BRINP2: variants seen among roughly 807,000 people sequenced by gnomAD.
BRINP2 encodes BMP/retinoic acid-inducible neural-specific protein 2.
In BRINP2, 21 loss-of-function variants were observed where a neutral mutation model predicts 69.2. The ratio of observed to expected loss-of-function variants is 0.30; its 90% CI spans 0.22 to 0.44. The LOEUF (loss-of-function observed/expected upper bound fraction) is 0.44, where lower values mean the gene tolerates loss of function less well. Among genes scored for constraint, BRINP2 ranks in the 20% least tolerant of loss-of-function variants. BRINP2 has a pLI of 1.00. For synonymous variants in BRINP2, 380 were observed against 394.1 expected (o/e 0.96, Z 0.42); for missense variants, 877 against 986.0 (o/e 0.89, Z 1.48).
chr1:177,279,496 G>C (rs1651623608), intron 7 of BRINP2, among the ~76,000 whole-genome samples: 1 of 152,184 alleles, frequency 6.6e-6, no homozygotes, highest in South Asian at 2.1e-4. Flanking sequence ...CACATTTTGT[G>C]GGAAGAGAGG....
At chr1:177,252,884 G>C (rs998095913) in intron 2 of BRINP2, among the ~76,000 whole-genome samples, 6 of 152,104 alleles carry the variant, frequency 3.9e-5, no homozygotes, top group Admixed American at 6.5e-5. Flanking sequence ...CATCCATGTT[G>C]CTGCAGATGA....
chr1:177,238,044 G>A (rs1215029099), intron 2 of BRINP2, among the ~76,000 whole-genome samples: 2 of 152,138 alleles, frequency 1.3e-5, no homozygotes, highest in Admixed American at 1.3e-4. Context: ...GCACAGGGTG[G>A]GGTGTTTCTT....
At position 177,281,199 on chromosome 1, in the gene BRINP2, T is replaced by C; in HGVS notation, c.2023T>C (p.Leu675=). 1.2e-6 allele frequency: 2 copies of C among 1,614,184 alleles called. No homozygotes were observed. Among genetic ancestry groups the C allele is most frequent in the Non-Finnish European group, 1.7e-6 (2 of 1,180,022 alleles). The change falls in exon 8 of 8, where the codon TTG becomes CTG. Residue 675 remains leucine (L), a synonymous_variant. Transcript: ENST00000361539. ...GGAGATGACTGATCCCTCTAAGAAT[T>C]TGGGTTACATGAAAATTAACACCTT... ...PLEMTDPSKN[L]GYMKINTLQV...
rs61645500 is a variant in BRINP2 at position 177,212,066 on chromosome 1, CAGATAGATAGATAGATAGAT to C, written c.-76-17710_-76-17691del. 5.3e-3 allele frequency among the ~76,000 whole-genome samples: 787 copies of C among 149,146 alleles called. 5 individuals are homozygous for C. The highest frequency in any genetic ancestry group is 0.019 in the African/African-American group (751 of 40,346). Reference sequence around the variant, plus strand: ...ATCTGTCTACATATCTCTATAGACACAGATAGATAGATAGATAGATAGATAGATAGATAGATAGATAGATG... The same window carrying C: ...ATCTGTCTACATATCTCTATAGACACAGATAGATAGATAGATAGATAGATG... On this transcript the variant is annotated intron_variant, in intron 1 of 7. Transcript: ENST00000361539.
chr1:177,264,323 C>A (rs1174567986), intron 4 of BRINP2, among the ~76,000 whole-genome samples: 1 of 152,136 alleles, frequency 6.6e-6, no homozygotes, highest in Non-Finnish European at 1.5e-5. Flanking sequence ...ATAATAACAG[C>A]TATTTATGAC....
In BRINP2 at chr1:177,281,509, C is replaced by G. The variant is rs748256555; in HGVS notation, c.2333C>G (p.Thr778Ser). 7.5e-6 allele frequency: 12 copies of G among 1,605,652 alleles called. No individual in the cohort carries two copies. The South Asian group carries it at 9.9e-5, about 13-fold the overall frequency. The change falls in exon 8 of 8, where the codon ACC becomes AGC. Residue 778 changes from threonine to serine, a missense_variant. Thr to Ser is a moderately conservative substitution (Grantham distance 58, BLOSUM62 1). Transcript: ENST00000361539. ...SKLPNPVEYETGKLCS is the reference protein window; with the variant it reads ...SKLPNPVEYESGKLCS ...CTGCCAAACCCTGTGGAATATGAGA[C>G]CGGCAAACTCTGTAGCTAATGGGCG... is the stretch of plus-strand genomic sequence containing the variant.
At chr1:177,243,129 A>C (rs1339948238) in intron 2 of BRINP2, among the ~76,000 whole-genome samples, 4 of 151,208 alleles carry the variant, frequency 2.6e-5, no homozygotes, top group Admixed American at 6.6e-5. Context: ...GTAAATAAGA[A>C]AAAAAAAAGA....
intron 1 of BRINP2, among the ~76,000 whole-genome samples, chr1:177,207,686 C>A (rs1649105970): frequency 6.6e-6 from 1 of 152,088 alleles, no homozygotes; most frequent in African/African-American, 2.4e-5. Context: ...ATGTCAGTTG[C>A]CGACATGGTG....
chr1:177,278,027 G>A (rs1208575038), intron 6 of BRINP2, among the ~76,000 whole-genome samples: 1 of 152,210 alleles, frequency 6.6e-6, no homozygotes, highest in East Asian at 1.9e-4. Context: ...CTTAGTCAGA[G>A]AGGAGGACAT....
chr1:177,230,287 C>A (rs1261146721), intron 2 of BRINP2, 142 bp downstream of exon 2: 2 of 905,752 alleles, frequency 2.2e-6, no homozygotes, highest in Non-Finnish European at 3.2e-6. Context: ...GAACACCAGG[C>A]AGGGAAAATA....
intron 1 of BRINP2, among the ~76,000 whole-genome samples, chr1:177,209,709 C>T (rs540253407): frequency 5.9e-5 from 9 of 151,532 alleles, no homozygotes; most frequent in Admixed American, 2.0e-4. Context: ...TGAAGCTCTC[C>T]GGTAAGAACA....
At chr1:177,198,902 G>A (rs1266295587) in intron 1 of BRINP2, among the ~76,000 whole-genome samples, 2 of 152,122 alleles carry the variant, frequency 1.3e-5, no homozygotes, top group African/African-American at 4.8e-5. Flanking sequence ...TTTTACACCT[G>A]TCTCAGTCAT....
At chr1:177,266,560 C>A (rs1651128581) in intron 4 of BRINP2, among the ~76,000 whole-genome samples, 1 of 151,858 alleles carries the variant, frequency 6.6e-6, no homozygotes, top group Admixed American at 6.6e-5. Flanking sequence ...GAGATCAAGA[C>A]CATCCTGGCT....
At chr1:177,271,403 T>C (rs1430639038) in intron 4 of BRINP2, among the ~76,000 whole-genome samples, 1 of 152,208 alleles carries the variant, frequency 6.6e-6, no homozygotes, top group African/African-American at 2.4e-5. Flanking sequence ...TTGACAGTGA[T>C]GGCATGTAAA....
chr1:177,276,172 G>A (rs774375750), intron 5 of BRINP2, 26 bp from the exon 6 acceptor site: 3 of 1,594,778 alleles, frequency 1.9e-6, no homozygotes, highest in Middle Eastern at 1.7e-4. Flanking sequence ...TCTTCCCAGA[G>A]ATTCCTTGAC....
At chr1:177,191,103 T>C (rs1648583815) in intron 1 of BRINP2, among the ~76,000 whole-genome samples, 1 of 152,216 alleles carries the variant, frequency 6.6e-6, no homozygotes, top group South Asian at 2.1e-4. Flanking sequence ...GATGTCTTTA[T>C]TAGCTTCTCA....
chr1:177,253,097 A>G (rs1650634543), intron 2 of BRINP2, among the ~76,000 whole-genome samples: 1 of 152,028 alleles, frequency 6.6e-6, no homozygotes, highest in Non-Finnish European at 1.5e-5. Context: ...TGTTAGTTCT[A>G]TTTTTAGTTT....
At chr1:177,220,748 T>G (rs1649504128) in intron 1 of BRINP2, among the ~76,000 whole-genome samples, 1 of 152,116 alleles carries the variant, frequency 6.6e-6, no homozygotes, top group African/African-American at 2.4e-5. Flanking sequence ...GGGCACAGGC[T>G]CAGTTGGGTT....
intron 3 of BRINP2, chr1:177,256,448 A>G (rs1002022765): frequency 1.4e-5 from 14 of 985,316 alleles, no homozygotes; most frequent in African/African-American, 1.7e-5. Context: ...TGCTGTGGCT[A>G]CAATGGTCAG....
Sources: allele counts gnomAD v4.1 joint callset (sites outside exome capture counted in the v4.1 genomes callset), GRCh38; gene constraint gnomAD v4.1.1; transcripts MANE v1.5; gene names NCBI Gene and HGNC (gene_info 2026-07-23, HGNC 2026-07-21).